The following SGF29 variants were observed in gnomAD, a reference collection of about 807,000 sequenced individuals.
SGF29 encodes the protein SAGA complex associated factor 29, also known as SAGA-associated factor 29.
SGF29 carries 15 observed loss-of-function variants against 38.1 expected under a neutral mutation model. The observed-to-expected ratio is 0.39, with a 90% confidence interval of 0.26 to 0.61. The LOEUF is 0.61. Ranked by LOEUF, SGF29 falls within the 20% of genes least tolerant of loss-of-function variation. SGF29 has a pLI of 0.49. For synonymous variants in SGF29, 151 were observed against 160.8 expected, an observed-to-expected ratio of 0.94 and a Z score of 0.46; for missense variants, 184 against 394.6, an observed-to-expected ratio of 0.47 and a Z score of 4.52.
In SGF29 at chr16:28,591,710, C is replaced by T. The variant is rs201041404; in HGVS notation, c.*4C>T. 63 of 1,601,322 alleles carry T rather than the reference C, an allele frequency of 3.9e-5. No homozygotes were observed. The East Asian group carries it at 1.1e-3, about 29-fold the overall frequency. ...TAAGGAACCCAAGAAAAAGTGATGC[C>T]GCCTGGCAGACTCGCCATCCCCCAA... On this transcript the variant is annotated 3_prime_UTR_variant, in exon 10 of 10. Transcript: ENST00000317058.
At chr16:28,568,517 TA>T (rs965519116) in intron 1 of SGF29, among the ~76,000 whole-genome samples, 4 of 122,418 alleles carry the variant, frequency 3.3e-5, no homozygotes, top group African/African-American at 1.1e-4. Context: ...GGTGATTGAT[TA>T]TTTAGCTTAA....
At position 28,590,562 on chromosome 16, in the gene SGF29, C is replaced by G. The variant is rs933091453; in HGVS notation, c.567-69C>G. 5.0e-6 allele frequency: 8 copies of G among 1,612,166 alleles called. No individual in the cohort carries two copies. The highest frequency in any genetic ancestry group is 5.9e-6 in the Non-Finnish European group (7 of 1,179,310). ...TTGTGCAGGGAGCACCAGGTCCTCC[C>G]CCATCCTCACTCCCCAACAGGTACT... is the stretch of plus-strand genomic sequence containing the variant. On this transcript the variant is annotated intron_variant, in intron 7 of 9. Coordinates refer to ENST00000317058, the MANE Select transcript of SGF29 (RefSeq NM_138414.3). This position sits in a 1 kb window ranked among gnomAD's most constrained non-coding sequence, Gnocchi z 8.2.
chr16:28,587,217 ACT>A (rs1245557949), intron 4 of SGF29, among the ~76,000 whole-genome samples: 3 of 152,200 alleles, frequency 2.0e-5, no homozygotes, highest in African/African-American at 7.2e-5. Flanking sequence ...TATCAAACAC[ACT>A]AGTTTTAGCA....
chr16:28,564,794 C>T (rs906024930), intron 1 of SGF29, among the ~76,000 whole-genome samples: 4 of 129,644 alleles, frequency 3.1e-5, no homozygotes, highest in Admixed American at 1.7e-4. Flanking sequence ...TATACACACA[C>T]ACACACACAC....
chr16:28,564,583 A>ATATATACACACATATATATGTG (rs1567285673), intron 1 of SGF29, among the ~76,000 whole-genome samples: 1 of 129,704 alleles, frequency 7.7e-6, no homozygotes, highest in Non-Finnish European at 1.7e-5. Flanking sequence ...ATATACACGT[A>ATATATACACACATATATATGTG]TATATATACA....
chr16:28,566,851 G>A (rs543410666), intron 1 of SGF29, among the ~76,000 whole-genome samples: 2 of 152,120 alleles, frequency 1.3e-5, no homozygotes, highest in Admixed American at 1.3e-4. Flanking sequence ...TGTATTTTTA[G>A]TAGAGACCAG....
intron 4 of SGF29, among the ~76,000 whole-genome samples, chr16:28,586,394 C>T (rs1437479985): frequency 2.0e-5 from 3 of 151,822 alleles, no homozygotes; most frequent in African/African-American, 7.3e-5. Flanking sequence ...CAAAAATTAG[C>T]CAGGTGTGGT....
intron 1 of SGF29, among the ~76,000 whole-genome samples, chr16:28,564,654 CGTATATATAT>C (rs2046817626): frequency 1.7e-5 from 1 of 57,738 alleles, no homozygotes; most frequent in African/African-American, 5.8e-5. Context: ...TGTATATATA[CGTATATATAT>C]GCATATATAT....
intron 1 of SGF29, among the ~76,000 whole-genome samples, chr16:28,564,717 GTATATA>G (rs1198204396): frequency 1.6e-5 from 1 of 61,674 alleles, no homozygotes; most frequent in East Asian, 2.8e-4. Context: ...ACATATATAT[GTATATA>G]TATACATATA....
At chr16:28,584,316 G>A (rs954565251) in intron 2 of SGF29, among the ~76,000 whole-genome samples, 2 of 151,480 alleles carry the variant, frequency 1.3e-5, no homozygotes, top group Non-Finnish European at 2.9e-5. Context: ...TAATGCTTTT[G>A]CATTAGTCAA....
intron 1 of SGF29, among the ~76,000 whole-genome samples, chr16:28,564,755 GTATATATGTATATATA>G (rs1164010725): frequency 1.3e-4 from 11 of 86,780 alleles, no homozygotes; most frequent in East Asian, 2.7e-4. Flanking sequence ...GTATATATAT[GTATATATGTATATATA>G]TGTATATATA....
chr16:28,579,513 C>T (rs2046913604), intron 1 of SGF29, among the ~76,000 whole-genome samples: 1 of 151,812 alleles, frequency 6.6e-6, no homozygotes, highest in Non-Finnish European at 1.5e-5. Context: ...TCCTCGGCCT[C>T]CCAAAGTGCT....
chr16:28,570,226 G>T (rs1289364017), intron 1 of SGF29, among the ~76,000 whole-genome samples: 1 of 152,248 alleles, frequency 6.6e-6, no homozygotes, highest in Non-Finnish European at 1.5e-5. Flanking sequence ...AGGCAGGGCT[G>T]CCCAGAGCCC....
intron 1 of SGF29, among the ~76,000 whole-genome samples, chr16:28,577,397 T>G (rs2046900591): frequency 1.3e-5 from 2 of 151,978 alleles, no homozygotes; most frequent in African/African-American, 4.8e-5. Context: ...GTCGCTGTCC[T>G]TTCTCTCCCA....
intron 1 of SGF29, among the ~76,000 whole-genome samples, chr16:28,558,443 G>C (rs4788077): frequency 0.26 from 40,176 of 151,874 alleles, 7,060 homozygotes; most frequent in Non-Finnish European, 0.37. Context: ...ATTTTTGGTA[G>C]AGATAGAGCC....
intron 1 of SGF29, among the ~76,000 whole-genome samples, chr16:28,562,984 C>T (rs1352290136): frequency 5.3e-5 from 8 of 150,356 alleles, no homozygotes; most frequent in Non-Finnish European, 1.2e-4. Flanking sequence ...CTCTTCCACA[C>T]ATAGAAAGCA....
At chr16:28,579,213 C>T (rs953839105) in intron 1 of SGF29, among the ~76,000 whole-genome samples, 2 of 151,464 alleles carry the variant, frequency 1.3e-5, no homozygotes, top group African/African-American at 2.4e-5. Flanking sequence ...GTAACTTACA[C>T]TCTTGATTAC....
chr16:28,574,578 C>T (rs2046882883), intron 1 of SGF29, among the ~76,000 whole-genome samples: 1 of 152,208 alleles, frequency 6.6e-6, no homozygotes, highest in Admixed American at 6.5e-5. Flanking sequence ...GGAGAGCCCT[C>T]TCCTGCCCTG....
In SGF29 at chr16:28,590,951, G is replaced by C. The variant is rs753214595; in HGVS notation, c.765+16G>C. ...CCCACAGCGGGTAAAGCAGCCTCCA[G>C]GGGAGAGGCCATGGGTGATGTCAGG... is the stretch of plus-strand genomic sequence containing the variant. On this transcript the variant is annotated intron_variant, in intron 9 of 9. Coordinates refer to ENST00000317058, the MANE Select transcript of SGF29 (RefSeq NM_138414.3). This position sits in a 1 kb window ranked among gnomAD's most constrained non-coding sequence, Gnocchi z 8.2. The C allele has an allele frequency of 5.0e-6, 8 of 1,597,106 alleles. No individual in the cohort carries two copies. The highest frequency in any genetic ancestry group is 3.4e-5 in the Admixed American group (2 of 58,502).
Sources: gnomAD v4.1 joint callset for allele counts (sites outside exome capture counted in the v4.1 genomes callset) on GRCh38, gnomAD v4.1.1 for gene constraint, Gnocchi (gnomAD v3.1) non-coding constraint, MANE v1.5 for transcripts, NCBI Gene and HGNC (gene_info 2026-07-23, HGNC 2026-07-21) for gene names.